The following LRCH3 variants were observed in gnomAD, a reference collection of about 807,000 sequenced individuals.
The protein encoded by LRCH3 is leucine rich repeats and calponin homology domain containing 3.
LRCH3 carries 68 observed loss-of-function variants against 104.5 expected under a neutral mutation model. The observed-to-expected ratio is 0.65, with a 90% CI of 0.54 to 0.80. The LOEUF is 0.80. Among genes scored for constraint, LRCH3 ranks in the 30% least tolerant of loss-of-function variants. The probability of loss-of-function intolerance (pLI) is 0.00; values close to 1 mark genes in which losing one functional copy is unlikely to be tolerated. For synonymous variants in LRCH3, 344 were observed against 361.3 expected (o/e 0.95, Z 0.54); for missense variants, 951 against 953.9 (o/e 1.00, Z 0.04).
At chr3:197,806,154 G>A (rs1732462308) in intron 1 of LRCH3, among the ~76,000 whole-genome samples, 1 of 152,042 alleles carries the variant, frequency 6.6e-6, no homozygotes, top group African/African-American at 2.4e-5. Flanking sequence ...ATGAACTCCC[G>A]ACCTCTGGTG....
chr3:197,852,767 G>A lies in LRCH3; in HGVS notation c.1590+147G>A, dbSNP rs578141775. The A allele has an allele frequency of 1.5e-4, 120 of 792,214 alleles. 1 individual carries two copies. The highest frequency in any genetic ancestry group is 1.2e-3 in the South Asian group (73 of 58,862). The allele number at this position is 792,214 out of a possible 1,614,324, so 49.1% of individuals were successfully genotyped here. On this transcript the variant is annotated intron_variant, in intron 13 of 20. Transcript: ENST00000425562. ...ACAATATTCTCCTTATGAGGGAGAT[G>A]ATACAAGCCAAGGAGTTTACTAGAA...
chr3:197,853,409 C>G (rs532587607), intron 13 of LRCH3, among the ~76,000 whole-genome samples: 2 of 152,028 alleles, frequency 1.3e-5, no homozygotes, highest in Non-Finnish European at 2.9e-5. Flanking sequence ...AGGCTGGTCT[C>G]GAACTCCTGA....
rs199658762 is a variant in LRCH3, at chr3:197,850,517, A to G, written c.1531-2044A>G. On this transcript the variant is annotated intron_variant, in intron 12 of 20. Coordinates refer to ENST00000425562, the MANE Select transcript of LRCH3 (RefSeq NM_001365715.1). ...GTTCCTTTTCCATAAGGATCATCTC[A>G]ATGTGGCAGGGAGAGCTCATGTATG... is the stretch of plus-strand genomic sequence containing the variant. 5.7e-6 allele frequency: 9 copies of G among 1,591,826 alleles called. No homozygotes were observed. In the South Asian group the frequency reaches 9.9e-5, roughly 18 times the overall value.
Position 197,888,248 on chromosome 3 carries a change from A to G in LRCH3, c.*4582A>G, listed in dbSNP as rs937343764. 1 of 152,228 alleles carries G rather than the reference A, an allele frequency of 6.6e-6. No individual in the cohort carries two copies. Among genetic ancestry groups the G allele is most frequent in the African/African-American group, 2.4e-5 (1 of 41,460 alleles). The allele number at this position is 152,228 out of a possible 1,614,324, so 9.4% of individuals were successfully genotyped here. ...ACAGCAAATTTCGTTTTATTTCTGA[A>G]AATGTTGTAAACATGTAATTAGTGA... On this transcript the variant is annotated 3_prime_UTR_variant, in exon 21 of 21. Transcript: ENST00000425562.
rs1018323439 is a variant in LRCH3, at chr3:197,798,265, AAAAT to A, written c.262+6742_262+6745del. On this transcript the variant is annotated intron_variant, in intron 1 of 20. Coordinates refer to ENST00000425562, the MANE Select transcript of LRCH3 (RefSeq NM_001365715.1). ...AACAGAGTGAGACCCTGTCTCAAAA[AAAAT>A]AAATAAATAAATAAATGAGAGAGAA... Among the ~76,000 whole-genome samples the A allele has an allele frequency of 1.4e-4, 21 of 152,256 alleles. No homozygotes were observed. In the East Asian group the frequency reaches 2.7e-3, roughly 20 times the overall value.
intron 19 of LRCH3, among the ~76,000 whole-genome samples, chr3:197,873,410 G>C (rs1160726491): frequency 2.6e-5 from 4 of 152,122 alleles, no homozygotes; most frequent in Non-Finnish European, 4.4e-5. Context: ...GCCAGTGACG[G>C]ACAAGCATGG....
chr3:197,853,409 C>T (rs532587607), intron 13 of LRCH3, among the ~76,000 whole-genome samples: 32 of 152,146 alleles, frequency 2.1e-4, no homozygotes, highest in African/African-American at 6.0e-4. Flanking sequence ...AGGCTGGTCT[C>T]GAACTCCTGA....
intron 1 of LRCH3, among the ~76,000 whole-genome samples, chr3:197,812,370 A>G (rs1349149502): frequency 6.6e-6 from 1 of 152,210 alleles, no homozygotes; most frequent in African/African-American, 2.4e-5. Context: ...ATTCCATTGT[A>G]TGCATATAAC....
In LRCH3 at chr3:197,870,183, T is replaced by A; in HGVS notation, c.1897T>A (p.Ser633Thr). 2 of 1,613,008 alleles carry A rather than the reference T, an allele frequency of 1.2e-6. No individual in the cohort carries two copies. The highest frequency in any genetic ancestry group is 1.7e-6 in the Non-Finnish European group (2 of 1,179,058). ...AGGTCATGCTTCACCCCTTCCTCCA[T>A]CTGCTGCACCTACCACTGATTCTAC... ...NKGHASPLPP[S>T]AAPTTDSTDS... The change falls in exon 18 of 21, where the codon TCT becomes ACT. Residue 633 changes from serine to threonine, a missense_variant. Physicochemically the swap from Ser to Thr is moderately conservative, Grantham distance 58 (BLOSUM62 1). Transcript: ENST00000425562.
At chr3:197,882,545 C>T in intron 20 of LRCH3, 5 of 907,130 alleles carry the variant, frequency 5.5e-6, no homozygotes, top group Non-Finnish European at 6.5e-6. Flanking sequence ...ACAAAAAAAC[C>T]CAACTAGTTG....
intron 9 of LRCH3, among the ~76,000 whole-genome samples, chr3:197,839,056 G>A (rs1382429433): frequency 2.0e-5 from 3 of 152,130 alleles, no homozygotes; most frequent in East Asian, 1.9e-4. Flanking sequence ...ACTGTGCTTG[G>A]TCACTGTAAT....
At chr3:197,880,534 A>C in intron 20 of LRCH3, 2 of 1,536,260 alleles carry the variant, frequency 1.3e-6, no homozygotes, top group Non-Finnish European at 1.7e-6. Context: ...TCCCCTTCCG[A>C]CATCCTTCAG....
intron 15 of LRCH3, among the ~76,000 whole-genome samples, chr3:197,864,885 G>A (rs9756240): frequency 0.031 from 4,646 of 151,816 alleles, 254 homozygotes; most frequent in African/African-American, 0.11. Flanking sequence ...ACTGGGCATG[G>A]TGATGTGTCC....
In LRCH3 at chr3:197,820,384, G is replaced by A; in HGVS notation, c.594G>A (p.Leu198=). The A allele has an allele frequency of 1.9e-6, 3 of 1,612,984 alleles. No individual in the cohort carries two copies. Among genetic ancestry groups the A allele is most frequent in the Non-Finnish European group, 2.5e-6 (3 of 1,178,984 alleles). The part of the protein sequence containing the change: ...IPSQIGNLEA[L]RDLNVRRNHL... The stretch of plus-strand genomic sequence containing the variant: ...CCCAAATTGGTAACCTGGAGGCCTT[G>A]AGAGACCTTAATGTAAGAAGAAATC... Residue 198 remains leucine (L), a synonymous_variant, in exon 4 of 21, where the codon TTG becomes TTA. Coordinates refer to ENST00000425562, the MANE Select transcript of LRCH3 (RefSeq NM_001365715.1).
intron 1 of LRCH3, 100 bp downstream of exon 1, chr3:197,791,640 C>G (rs1047181136): frequency 1.5e-4 from 205 of 1,338,546 alleles, no homozygotes; most frequent in Non-Finnish European, 1.9e-4. Context: ...CAGCTCGTCC[C>G]GTAGGCGCCG....
Position 197,856,560 on chromosome 3 carries a change from A to AT in LRCH3, c.1644+2122dup, listed in dbSNP as rs1218105581. On this transcript the variant is annotated intron_variant, in intron 14 of 20. Transcript: ENST00000425562. This position sits in a 1 kb window ranked among gnomAD's most constrained non-coding sequence, Gnocchi z 4.2. ...TGCACCACACGTGGCTAATTTTTTT[A>AT]TTTTTTTGTAGAGTCAGGGTCTCAC... Among the ~76,000 whole-genome samples, 6 of 151,568 alleles carry AT rather than the reference A, an allele frequency of 4.0e-5. No individual in the cohort carries two copies. The highest frequency in any genetic ancestry group is 7.4e-5 in the Non-Finnish European group (5 of 67,808).
At chr3:197,835,600 T>C in intron 8 of LRCH3, 74 bp from the exon 9 acceptor site, 1 of 1,367,446 alleles carries the variant, frequency 7.3e-7, no homozygotes, top group Non-Finnish European at 9.6e-7. Context: ...AGTAAATGTC[T>C]TTTATTGGCT....
At chr3:197,880,740 G>T (rs774410347) in intron 20 of LRCH3, 12 of 1,536,360 alleles carry the variant, frequency 7.8e-6, no homozygotes, top group East Asian at 2.4e-5. Context: ...GTGACTTTCT[G>T]CCTCATTCCT....
intron 7 of LRCH3, chr3:197,831,199 T>C: frequency 5.1e-6 from 1 of 197,238 alleles, no homozygotes; most frequent in South Asian, 9.3e-5. Flanking sequence ...AGAAAACAAG[T>C]AGGACTTTCG....
Sources: allele counts gnomAD v4.1 joint callset (sites outside exome capture counted in the v4.1 genomes callset), GRCh38; gene constraint gnomAD v4.1.1; non-coding constraint Gnocchi (gnomAD v3.1); transcripts MANE v1.5; gene names NCBI Gene and HGNC (gene_info 2026-07-23, HGNC 2026-07-21).